COL21A1: variants seen among roughly 807,000 people sequenced by gnomAD.
COL21A1 encodes the protein collagen alpha-1(XXI) chain.
COL21A1 carries 149 observed loss-of-function variants against 137.9 expected under a neutral mutation model. The observed-to-expected ratio is 1.08, with a 90% confidence interval of 0.95 to 1.24. COL21A1 has a LOEUF of 1.24. Among genes scored for constraint, COL21A1 ranks in the 50% most tolerant of loss-of-function variants. The pLI, the probability that COL21A1 is intolerant of heterozygous loss-of-function variation, is 0.00. For synonymous variants in COL21A1, 456 were observed against 391.5 expected (o/e 1.16, Z -1.95); for missense variants, 1,167 against 1,158.4 (o/e 1.01, Z -0.11).
At chr6:56,302,922 G>A (rs1475302979) in intron 1 of COL21A1, among the ~76,000 whole-genome samples, 4 of 152,086 alleles carry the variant, frequency 2.6e-5, no homozygotes, top group African/African-American at 9.7e-5. Context: ...TGTAAGGAAG[G>A]GATCCAGTTT....
intron 10 of COL21A1, 27 bp from the exon 11 acceptor site, chr6:56,142,010 A>T: frequency 2.8e-6 from 4 of 1,448,624 alleles, no homozygotes; most frequent in Non-Finnish European, 3.7e-6. Flanking sequence ...AAAGAAAAAA[A>T]ATAATATTTC....
chr6:56,377,354 C>G (rs2094001244), intron 1 of COL21A1, among the ~76,000 whole-genome samples: 1 of 152,094 alleles, frequency 6.6e-6, no homozygotes, highest in Non-Finnish European at 1.5e-5. Context: ...CTCCCCTCTC[C>G]CCCATTTTCC....
chr6:56,154,526 T>C (rs1027970317), intron 10 of COL21A1, among the ~76,000 whole-genome samples: 2 of 152,100 alleles, frequency 1.3e-5, no homozygotes, highest in African/African-American at 4.8e-5. Context: ...GCAATTCTAG[T>C]CAGCTTTCCA....
At chr6:56,125,011 CTTTTTTT>C (rs70986773) in intron 14 of COL21A1, among the ~76,000 whole-genome samples, 4 of 54,842 alleles carry the variant, frequency 7.3e-5, no homozygotes, top group South Asian at 9.3e-4. Context: ...ATCTGTAAAT[CTTTTTTT>C]TTTTTTTTTT....
chr6:56,336,428 G>C (rs1220891717), intron 1 of COL21A1, among the ~76,000 whole-genome samples: 1 of 151,970 alleles, frequency 6.6e-6, no homozygotes, highest in Non-Finnish European at 1.5e-5. Flanking sequence ...TTCACTTTAG[G>C]AGATTTTAAC....
At chr6:56,229,339 G>T (rs1030963520) in intron 1 of COL21A1, among the ~76,000 whole-genome samples, 2 of 151,936 alleles carry the variant, frequency 1.3e-5, no homozygotes, top group African/African-American at 2.4e-5. Flanking sequence ...CTGCACTTTA[G>T]CCTGGCCAAT....
chr6:56,085,314 C>T (rs1768136328), intron 17 of COL21A1, among the ~76,000 whole-genome samples: 1 of 151,954 alleles, frequency 6.6e-6, no homozygotes, highest in South Asian at 2.1e-4. Context: ...CTCATATAAG[C>T]AAGTTTAGTC....
chr6:56,077,269 A>T (rs1767323594), intron 18 of COL21A1, among the ~76,000 whole-genome samples: 1 of 151,476 alleles, frequency 6.6e-6, no homozygotes, highest in African/African-American at 2.4e-5. Flanking sequence ...AAATTATGCC[A>T]TAATTATGTT....
At chr6:56,099,235 T>A in intron 17 of COL21A1, among the ~76,000 whole-genome samples, 1 of 145,470 alleles carries the variant, frequency 6.9e-6, no homozygotes, top group African/African-American at 2.5e-5. Context: ...TTTTTTTTTT[T>A]TTTTTTTTTT....
intron 1 of COL21A1, among the ~76,000 whole-genome samples, chr6:56,335,629 C>T (rs1200840921): frequency 1.3e-5 from 2 of 152,172 alleles, no homozygotes. Context: ...TACCTAAACT[C>T]TTCATTTTTC....
Position 56,208,371 on chromosome 6 carries a change from T to C in COL21A1, c.-38-25715A>G, listed in dbSNP as rs533855218. On this transcript the variant is annotated intron_variant, in intron 1 of 29. Coordinates refer to ENST00000244728, the MANE Select transcript of COL21A1 (RefSeq NM_030820.4). ...TGTGTAAAAATCACAAGCATTCCTA[T>C]ACACAAATAATAGACAAACAGAGAG... 3.3e-5 allele frequency among the ~76,000 whole-genome samples: 5 copies of C among 151,986 alleles called. No individual in the cohort carries two copies. The East Asian group carries it at 9.7e-4, about 29-fold the overall frequency.
At chr6:56,382,527 T>C (rs2094010503) in intron 1 of COL21A1, among the ~76,000 whole-genome samples, 1 of 152,136 alleles carries the variant, frequency 6.6e-6, no homozygotes, top group Admixed American at 6.5e-5. Context: ...TCAAAGGGAC[T>C]GTGTTTGGAG....
chr6:56,129,784 G>C (rs1773373455), intron 12 of COL21A1, among the ~76,000 whole-genome samples: 2 of 150,774 alleles, frequency 1.3e-5, no homozygotes, highest in Non-Finnish European at 2.9e-5. Context: ...TAACACCCTA[G>C]AACGAATTAT....
intron 1 of COL21A1, among the ~76,000 whole-genome samples, chr6:56,365,785 C>T (rs1350100414): frequency 6.6e-6 from 1 of 152,136 alleles, no homozygotes; most frequent in Non-Finnish European, 1.5e-5. Context: ...GTTTCATTGA[C>T]CTGATGGGTT....
At chr6:56,344,305 A>C (rs551468289) in intron 1 of COL21A1, among the ~76,000 whole-genome samples, 5 of 152,330 alleles carry the variant, frequency 3.3e-5, no homozygotes, top group Non-Finnish European at 5.9e-5. Flanking sequence ...TTCCAGAATT[A>C]ATGTTTCCAA....
At chr6:56,236,706 T>C (rs2152321489) in intron 1 of COL21A1, among the ~76,000 whole-genome samples, 1 of 152,166 alleles carries the variant, frequency 6.6e-6, no homozygotes, top group East Asian at 1.9e-4. Flanking sequence ...TTTCTAAAAA[T>C]TGTATTTAAA....
chr6:56,255,670 G>A (rs981093600), intron 1 of COL21A1, among the ~76,000 whole-genome samples: 4 of 152,232 alleles, frequency 2.6e-5, no homozygotes, highest in African/African-American at 9.6e-5. Context: ...AGGATGCCAA[G>A]TTATTAAAAC....
chr6:56,057,557 T>C lies in COL21A1; in HGVS notation c.*100A>G, dbSNP rs1765434342. On this transcript the variant is annotated 3_prime_UTR_variant, in exon 30 of 30. Transcript: ENST00000244728. Reference sequence around the variant, plus strand: ...AAAAAAAATAAAAACACCGAGGTACTTAAGTTTCTTTTCAAGGGATTACTG... The same window carrying C: ...AAAAAAAATAAAAACACCGAGGTACCTAAGTTTCTTTTCAAGGGATTACTG... 2 of 1,108,174 alleles carry C rather than the reference T, an allele frequency of 1.8e-6. No individual in the cohort carries two copies. Among genetic ancestry groups the C allele is most frequent in the Non-Finnish European group, 2.6e-6 (2 of 760,272 alleles). The allele number at this position is 1,108,174 out of a possible 1,614,324, so 68.6% of individuals were successfully genotyped here.
chr6:56,314,427 T>C (rs1764683796), intron 1 of COL21A1, among the ~76,000 whole-genome samples: 2 of 152,204 alleles, frequency 1.3e-5, no homozygotes, highest in African/African-American at 4.8e-5. Flanking sequence ...TTGAGCCCTC[T>C]TCCCATTGAG....
Sources: allele counts gnomAD v4.1 joint callset (sites outside exome capture counted in the v4.1 genomes callset), GRCh38; gene constraint gnomAD v4.1.1; transcripts MANE v1.5; gene names NCBI Gene and HGNC (gene_info 2026-07-23, HGNC 2026-07-21).